The following NGLY1 variants were observed in gnomAD, a reference collection of about 807,000 sequenced individuals.
NGLY1 encodes N-glycanase 1.
NGLY1 carries 68 observed loss-of-function variants against 84.6 expected under a neutral mutation model. The observed-to-expected ratio is 0.80, with a 90% CI of 0.66 to 0.98. NGLY1 has a LOEUF of 0.98. Ranked by LOEUF, NGLY1 falls within the 50% of genes least tolerant of loss-of-function variation. NGLY1 has a pLI of 0.00. For synonymous variants in NGLY1, 280 were observed against 275.2 expected, an observed-to-expected ratio of 1.02 and a Z score of -0.17; for missense variants, 779 against 770.2, an observed-to-expected ratio of 1.01 and a Z score of -0.14.
At chr3:25,758,072 CTAATAA>C (rs1225906712) in intron 3 of NGLY1, among the ~76,000 whole-genome samples, 4 of 152,174 alleles carry the variant, frequency 2.6e-5, no homozygotes, top group Admixed American at 2.0e-4. Context: ...AAGGCCAATA[CTAATAA>C]TAAGAGCACA....
rs563101386 is a variant in NGLY1 at position 25,727,834 on chromosome 3, T to C, written c.1611+1299A>G. Among the ~76,000 whole-genome samples, 4 of 152,316 alleles carry C rather than the reference T, an allele frequency of 2.6e-5. No homozygotes were observed. In the East Asian group the frequency reaches 7.7e-4, roughly 29 times the overall value. On this transcript the variant is annotated intron_variant, in intron 10 of 11. Transcript: ENST00000280700. ...CCCCATCATTACTACTTTACTAACA[T>C]TGCTGGTTAGGAGGAAACACATGAT...
chr3:25,737,738 G>C (rs1439881624), intron 5 of NGLY1, among the ~76,000 whole-genome samples: 3 of 152,080 alleles, frequency 2.0e-5, no homozygotes, highest in East Asian at 3.9e-4. Context: ...TAGAGACGGG[G>C]TTTCACCATG....
chr3:25,772,999 T>C (rs759314858), intron 2 of NGLY1, among the ~76,000 whole-genome samples: 7 of 152,246 alleles, frequency 4.6e-5, no homozygotes, highest in Non-Finnish European at 7.3e-5. Context: ...AGAAATCTGC[T>C]GTTAATCTGA....
At position 25,764,258 on chromosome 3, in the gene NGLY1, T is replaced by A; in HGVS notation, c.300A>T (p.Lys100Asn). ...PKKASVEQLQ[K>N]IRDLIAIERS... Reference sequence around the variant, plus strand: ...TCTCTATGGCAATCAGGTCACGAATTTTTTGCAGCTGCTCCACTGAAGCTT... The same window carrying A: ...TCTCTATGGCAATCAGGTCACGAATATTTTGCAGCTGCTCCACTGAAGCTT... Residue 100 changes from lysine to asparagine, a missense_variant, in exon 3 of 12, where the codon AAA becomes AAT. Physicochemically the swap from Lys to Asn is moderately conservative, Grantham distance 94 (BLOSUM62 0). Transcript: ENST00000280700. The A allele has an allele frequency of 6.2e-7, 1 of 1,614,024 alleles. No individual in the cohort carries two copies. The highest frequency in any genetic ancestry group is 2.2e-5 in the East Asian group (1 of 44,896).
intron 1 of NGLY1, chr3:25,789,640 A>C (rs1034706851): frequency 6.7e-6 from 4 of 599,470 alleles, no homozygotes; most frequent in Non-Finnish European, 1.2e-5. Context: ...CAAGATACAC[A>C]ACAAATTTCC....
intron 2 of NGLY1, among the ~76,000 whole-genome samples, chr3:25,776,049 G>A (rs754174900): frequency 7.9e-5 from 12 of 152,162 alleles, no homozygotes; most frequent in Admixed American, 2.6e-4. Flanking sequence ...AAGTCCTGAG[G>A]TGTGATGTCT....
At chr3:25,734,866 G>T in intron 7 of NGLY1, 1 of 905,384 alleles carries the variant, frequency 1.1e-6, no homozygotes, top group Non-Finnish European at 1.3e-6. Flanking sequence ...AAATTTATCT[G>T]CAAAGCTGAT....
intron 2 of NGLY1, among the ~76,000 whole-genome samples, chr3:25,769,685 C>A (rs1316026691): frequency 2.0e-5 from 3 of 152,100 alleles, no homozygotes; most frequent in African/African-American, 7.2e-5. Context: ...ATCCAGTAAT[C>A]CTACTGCTAG....
intron 2 of NGLY1, among the ~76,000 whole-genome samples, chr3:25,767,986 A>C (rs1707675201): frequency 1.3e-5 from 2 of 151,212 alleles, no homozygotes; most frequent in South Asian, 4.2e-4. Context: ...GGTGGCAGGC[A>C]CCTGTAATCC....
chr3:25,722,060 A>T (rs1705021816), intron 10 of NGLY1, among the ~76,000 whole-genome samples: 1 of 151,852 alleles, frequency 6.6e-6, no homozygotes, highest in African/African-American at 2.4e-5. Flanking sequence ...TCTACTAAAA[A>T]TACCAAAATT....
rs553929627 is a variant in NGLY1, at chr3:25,747,168, G to C, written c.658+3930C>G. Reference sequence around the variant, plus strand: ...ATCTTCTATTTAGCTGCTTCTTAAGGCAAGGCTATATTATTATCCTGTCTC... The same window carrying C: ...ATCTTCTATTTAGCTGCTTCTTAAGCCAAGGCTATATTATTATCCTGTCTC... On this transcript the variant is annotated intron_variant, in intron 4 of 11. Transcript: ENST00000280700. Among the ~76,000 whole-genome samples, 14 of 152,214 alleles carry C rather than the reference G, an allele frequency of 9.2e-5. No individual in the cohort carries two copies. In the East Asian group the frequency reaches 2.7e-3, roughly 29 times the overall value.
intron 2 of NGLY1, among the ~76,000 whole-genome samples, chr3:25,768,746 C>T (rs975247955): frequency 1.3e-5 from 2 of 151,460 alleles, no homozygotes; most frequent in Non-Finnish European, 2.9e-5. Context: ...GGGGTTTCAC[C>T]GTGTTAGACA....
chr3:25,722,015 C>A (rs769057677), intron 10 of NGLY1, among the ~76,000 whole-genome samples: 42 of 151,630 alleles, frequency 2.8e-4, no homozygotes, highest in Admixed American at 2.0e-3. Flanking sequence ...GTTAGGTGTT[C>A]AAGACCAGCC....
At chr3:25,786,564 C>T (rs892811305), upstream of NGLY1, among the ~76,000 whole-genome samples, 1 of 152,174 alleles carries the variant, frequency 6.6e-6, no homozygotes, top group Non-Finnish European at 1.5e-5. Flanking sequence ...ATATCTCCAA[C>T]TTGACTGAAG....
upstream of NGLY1, among the ~76,000 whole-genome samples, chr3:25,788,142 C>A (rs1708644418): frequency 6.6e-6 from 1 of 152,222 alleles, no homozygotes; most frequent in Non-Finnish European, 1.5e-5. Flanking sequence ...TACCTCTACT[C>A]ATTTTTGCAT....
intron 1 of NGLY1, among the ~76,000 whole-genome samples, chr3:25,781,547 C>A (rs369564178): frequency 6.6e-6 from 1 of 152,206 alleles, no homozygotes; most frequent in African/African-American, 2.4e-5. Context: ...CTCTTAATTT[C>A]TCAGCATTAT....
At chr3:25,768,030 T>G (rs911529665) in intron 2 of NGLY1, among the ~76,000 whole-genome samples, 16 of 145,440 alleles carry the variant, frequency 1.1e-4, no homozygotes, top group African/African-American at 4.1e-4. Flanking sequence ...AGAGAATCAC[T>G]TGAACCCCAG....
intron 3 of NGLY1, among the ~76,000 whole-genome samples, chr3:25,757,921 C>T (rs760992098): frequency 1.3e-5 from 2 of 152,160 alleles, no homozygotes; most frequent in African/African-American, 4.8e-5. Context: ...CAGTGGCACC[C>T]GCACTCCTAC....
intron 10 of NGLY1, among the ~76,000 whole-genome samples, chr3:25,724,197 G>C (rs1705143740): frequency 6.6e-6 from 1 of 152,086 alleles, no homozygotes; most frequent in Non-Finnish European, 1.5e-5. Flanking sequence ...GGTTCAGTTT[G>C]GACTATATTG....
Sources: gnomAD v4.1 joint callset for allele counts (sites outside exome capture counted in the v4.1 genomes callset) on GRCh38, gnomAD v4.1.1 for gene constraint, MANE v1.5 for transcripts, NCBI Gene and HGNC (gene_info 2026-07-23, HGNC 2026-07-21) for gene names.